Variants in KIF4A observed in about 807,000 individuals in gnomAD.
The protein encoded by KIF4A is kinesin family member 4A.
Under a neutral mutation model 105.9 loss-of-function variants are expected in KIF4A, and 7 were observed. That is an observed-to-expected ratio of 0.07 (90% CI 0.04 to 0.12). The LOEUF (loss-of-function observed/expected upper bound fraction) is 0.12. Among genes scored for constraint, KIF4A ranks in the 10% least tolerant of loss-of-function variants. The pLI, the probability that KIF4A is intolerant of heterozygous loss-of-function variation, is 1.00. For missense variants in KIF4A, 558 were observed against 929.2 expected (o/e 0.60, Z 5.19); for synonymous variants, 281 against 331.3 (o/e 0.85, Z 1.65).
rs2147691486 is a variant in KIF4A, at chrX:70,330,212, C to T, written c.951C>T (p.Asp317=). ...TGATAGCCTGTGTGAGTCCTGCTGA[C>T]TCCAATCTAGAGGAAACATTAAATA... ...TLMIACVSPA[D]SNLEETLNTL... Residue 317 remains aspartate, a synonymous_variant, in exon 9 of 31, where the codon GAC becomes GAT. Transcript: ENST00000374403. The T allele has an allele frequency of 8.3e-7, 1 of 1,210,716 alleles. No individual in the cohort carries two copies. Among genetic ancestry groups the T allele is most frequent in the East Asian group, 3.0e-5 (1 of 33,827 alleles).
intron 25 of KIF4A, 33 bp from the exon 26 acceptor site, chrX:70,405,795 A>G: frequency 9.2e-7 from 1 of 1,088,477 alleles, no homozygotes; most frequent in Non-Finnish European, 1.3e-6. Flanking sequence ...TGCCCAAAAT[A>G]ACCCCATATA....
chrX:70,383,044 G>A (rs1356020516), intron 18 of KIF4A, among the ~76,000 whole-genome samples: 7 of 110,075 alleles, frequency 6.4e-5, no homozygotes, highest in African/African-American at 1.7e-4. Context: ...AAAAGTGGCC[G>A]GGTGTGGTGG....
chrX:70,355,788 T>C (rs1424892344), intron 15 of KIF4A, among the ~76,000 whole-genome samples: 2 of 111,198 alleles, frequency 1.8e-5, no homozygotes, highest in Non-Finnish European at 3.8e-5. Context: ...CAGGGCCCAG[T>C]AGAGAACGGA....
chrX:70,363,730 A>G (rs2086087870), intron 15 of KIF4A, among the ~76,000 whole-genome samples: 2 of 112,059 alleles, frequency 1.8e-5, no homozygotes, highest in African/African-American at 6.5e-5. Flanking sequence ...ATAGCAACAT[A>G]ATTTATAATC....
Position 70,322,372 on chromosome X carries a change from C to T in KIF4A, c.779-7033C>T, listed in dbSNP as rs192774784. On this transcript the variant is annotated intron_variant, in intron 7 of 30. Transcript: ENST00000374403. ...TGTCGCCCAGGCTGAAGTGCAGTGG[C>T]GCAATCTCGGCTCATTGCAAGCTCT... Among the ~76,000 whole-genome samples, 20 of 108,795 alleles carry T rather than the reference C, an allele frequency of 1.8e-4. No homozygotes were observed. In the East Asian group the frequency reaches 4.3e-3, roughly 24 times the overall value. The allele number at this position is 108,795 out of a possible 115,157, so 94.5% of individuals were successfully genotyped here.
intron 22 of KIF4A, among the ~76,000 whole-genome samples, chrX:70,399,117 G>T (rs2086270925): frequency 8.9e-6 from 1 of 112,292 alleles, no homozygotes; most frequent in African/African-American, 3.2e-5. Context: ...GTTACATCCT[G>T]TGTGACGAAA....
Position 70,375,352 on chromosome X carries a change from A to G in KIF4A, c.1923+4A>G. On this transcript the variant is annotated splice_donor_region_variant and intron_variant, in intron 17 of 30. Transcript: ENST00000374403. Reference sequence around the variant, plus strand: ...CAAACTGAACCAGGAGATACGGGTAATAAATTCTCATCCTTGCATTTACCC... The same window carrying G: ...CAAACTGAACCAGGAGATACGGGTAGTAAATTCTCATCCTTGCATTTACCC... 8.3e-7 allele frequency: 1 copy of G among 1,207,171 alleles called. No homozygotes were observed. Among genetic ancestry groups the G allele is most frequent in the East Asian group, 3.0e-5 (1 of 33,810 alleles).
rs1302742279 is a variant in KIF4A, at chrX:70,395,748, T to C, written c.2310T>C (p.Asp770=). ...GCCATCTGAATGACCTCCTTGAAGATAGAAAGATCCTGGCTCAAGATGTGG... is the reference window on the plus strand; with the variant it reads ...GCCATCTGAATGACCTCCTTGAAGACAGAAAGATCCTGGCTCAAGATGTGG... The part of the protein sequence containing the change: ...AKRHLNDLLE[D]RKILAQDVAQ... Residue 770 remains aspartate, a synonymous_variant, in exon 21 of 31, where the codon GAT becomes GAC. Transcript: ENST00000374403. 8.3e-6 allele frequency: 10 copies of C among 1,211,443 alleles called. No individual in the cohort carries two copies. The highest frequency in any genetic ancestry group is 8.9e-6 in the Non-Finnish European group (8 of 895,467).
chrX:70,392,612 A>C (rs2086241508), intron 20 of KIF4A, among the ~76,000 whole-genome samples: 1 of 110,238 alleles, frequency 9.1e-6, no homozygotes, highest in African/African-American at 3.3e-5. Flanking sequence ...CCTGGGCAAC[A>C]TAGCAAGAAC....
rs751168240 is a variant in KIF4A at position 70,360,070 on chromosome X, G to A, written c.1674+6263G>A. 8.1e-5 allele frequency among the ~76,000 whole-genome samples: 9 copies of A among 111,490 alleles called. No homozygotes were observed. The South Asian group carries it at 3.0e-3, about 38-fold the overall frequency. ...CCTGTGAGGGTGGCTTGTGGCCCAC[G>A]TGCACCCGAATCAGCTGCCTGGCAT... On this transcript the variant is annotated intron_variant, in intron 15 of 30. Transcript: ENST00000374403.
chrX:70,418,506 G>A (rs766937176), intron 29 of KIF4A, among the ~76,000 whole-genome samples: 4 of 111,296 alleles, frequency 3.6e-5, no homozygotes, highest in Non-Finnish European at 7.5e-5. Flanking sequence ...ACAGGAACCA[G>A]GCCTTTCTAA....
rs181499156 is a variant in KIF4A, at chrX:70,309,833, C to G, written c.778+7435C>G. On this transcript the variant is annotated intron_variant, in intron 7 of 30. Transcript: ENST00000374403. The stretch of plus-strand genomic sequence containing the variant: ...TCGAGAAGGGCAGATCACTTGAGGC[C>G]AGGAGTTTGAGACCAGTCTGGCCAA... 3.8e-3 allele frequency among the ~76,000 whole-genome samples: 424 copies of G among 112,342 alleles called. 4 individuals carry two copies. The highest frequency in any genetic ancestry group is 0.013 in the African/African-American group (397 of 30,950).
intron 11 of KIF4A, 129 bp downstream of exon 11, chrX:70,342,060 T>A (rs1171057950): frequency 3.3e-6 from 3 of 899,247 alleles, no homozygotes; most frequent in Non-Finnish European, 4.6e-6. Flanking sequence ...TACCATATCC[T>A]CCAGGGAGCC....
At chrX:70,411,460 A>AT (rs35035911) in intron 28 of KIF4A, among the ~76,000 whole-genome samples, 1,605 of 103,721 alleles carry the variant, frequency 0.015, 34 homozygotes, top group African/African-American at 0.048. Flanking sequence ...CAATCCTGGT[A>AT]TTTTTTTTTT....
At chrX:70,329,649 C>T (rs990244571) in intron 8 of KIF4A, 128 bp downstream of exon 8, 5 of 487,865 alleles carry the variant, frequency 1.0e-5, no homozygotes, top group African/African-American at 4.7e-5. Flanking sequence ...TTGATAAATA[C>T]GAGAGAGTGC....
Position 70,374,286 on chromosome X carries a change from G to A in KIF4A, c.1778+32G>A, listed in dbSNP as rs149129278. The stretch of plus-strand genomic sequence containing the variant: ...ATAAAGTTAATAAATGTTATTTCAA[G>A]TCCCTACTATGTGTGAGGAGCTTTG... On this transcript the variant is annotated intron_variant, in intron 16 of 30. Transcript: ENST00000374403. 1,192 of 958,071 alleles carry A rather than the reference G, an allele frequency of 1.2e-3. 41 individuals carry two copies. In the East Asian group the frequency reaches 0.025, roughly 20 times the overall value. The allele number at this position is 958,071 out of a possible 1,213,427, so 79.0% of individuals were successfully genotyped here.
At chrX:70,355,758 C>A (rs1199431) in intron 15 of KIF4A, among the ~76,000 whole-genome samples, 13,885 of 110,692 alleles carry the variant, frequency 0.13, 1,423 homozygotes, top group African/African-American at 0.34. Context: ...AGCGGCAGAG[C>A]TGGGAGAGGA....
chrX:70,329,994 A>G (rs755174679), intron 8 of KIF4A, among the ~76,000 whole-genome samples, 163 bp from the exon 9 acceptor site: 14 of 112,200 alleles, frequency 1.2e-4, no homozygotes, highest in African/African-American at 4.5e-4. Context: ...TACATCAGAA[A>G]TCTTAGATAT....
At chrX:70,389,018 G>A (rs2086228073) in intron 20 of KIF4A, among the ~76,000 whole-genome samples, 2 of 112,110 alleles carry the variant, frequency 1.8e-5, no homozygotes, top group Admixed American at 1.9e-4. Flanking sequence ...GGGAGGCTGA[G>A]GCAGGAGGAT....
Sources: allele counts gnomAD v4.1 joint callset (sites outside exome capture counted in the v4.1 genomes callset), GRCh38; gene constraint gnomAD v4.1.1; transcripts MANE v1.5; gene names NCBI Gene and HGNC (gene_info 2026-07-23, HGNC 2026-07-21).